SERGEF: variants seen among roughly 807,000 people sequenced by gnomAD.
The protein encoded by SERGEF is secretion-regulating guanine nucleotide exchange factor.
SERGEF carries 51 observed loss-of-function variants against 50.0 expected under a neutral mutation model. The ratio of observed to expected loss-of-function variants is 1.02; its 90% confidence interval spans 0.81 to 1.29. The LOEUF (loss-of-function observed/expected upper bound fraction) is 1.29. Among genes scored for constraint, SERGEF ranks in the 50% most tolerant of loss-of-function variants. The pLI is 0.00. For synonymous variants in SERGEF, 205 were observed against 212.4 expected, an observed-to-expected ratio of 0.97 and a Z score of 0.30; for missense variants, 521 against 557.0, an observed-to-expected ratio of 0.94 and a Z score of 0.65.
chr11:17,902,348 G>A (rs1256675782), intron 9 of SERGEF, among the ~76,000 whole-genome samples: 1 of 152,208 alleles, frequency 6.6e-6, no homozygotes, highest in African/African-American at 2.4e-5. Flanking sequence ...TCACTAAGAG[G>A]CTGCTACAGT....
chr11:17,865,008 T>A (rs1038369990), intron 10 of SERGEF, among the ~76,000 whole-genome samples: 4 of 152,240 alleles, frequency 2.6e-5, no homozygotes, highest in South Asian at 2.1e-4. Context: ...AAATTCCATA[T>A]GGATCGAAGA....
chr11:17,983,113 CA>C (rs1460473524), intron 8 of SERGEF, among the ~76,000 whole-genome samples: 1 of 152,160 alleles, frequency 6.6e-6, no homozygotes, highest in Non-Finnish European at 1.5e-5. Flanking sequence ...CTCACTTTTT[CA>C]ATCCATATTC....
intron 8 of SERGEF, among the ~76,000 whole-genome samples, chr11:17,972,627 G>C (rs1402956405): frequency 6.6e-6 from 1 of 152,210 alleles, no homozygotes; most frequent in Non-Finnish European, 1.5e-5. Flanking sequence ...CAAAAAAATT[G>C]TGTGACTCGC....
chr11:17,893,685 A>G (rs1009858076), intron 9 of SERGEF, among the ~76,000 whole-genome samples: 2 of 152,204 alleles, frequency 1.3e-5, no homozygotes, highest in African/African-American at 4.8e-5. Flanking sequence ...TCTTGTGTAT[A>G]TGCTCAACTC....
chr11:18,000,845 G>C (rs1031429661), intron 4 of SERGEF: 2 of 567,820 alleles, frequency 3.5e-6, no homozygotes, highest in Non-Finnish European at 6.6e-6. Flanking sequence ...TTTCTGTAAA[G>C]GGACAGTTAG....
chr11:17,931,291 A>G (rs1015152390), intron 9 of SERGEF, among the ~76,000 whole-genome samples: 1 of 152,200 alleles, frequency 6.6e-6, no homozygotes, highest in Non-Finnish European at 1.5e-5. Context: ...AATAAAAATC[A>G]TACTACTATC....
At chr11:17,979,639 T>C (rs1853451519) in intron 8 of SERGEF, among the ~76,000 whole-genome samples, 1 of 152,232 alleles carries the variant, frequency 6.6e-6, no homozygotes, top group South Asian at 2.1e-4. Context: ...TTTAGGTTTC[T>C]GCACAACATG....
intron 10 of SERGEF, among the ~76,000 whole-genome samples, chr11:17,864,147 C>T (rs1850979688): frequency 6.6e-6 from 1 of 152,202 alleles, no homozygotes; most frequent in African/African-American, 2.4e-5. Flanking sequence ...TTTCGCAAGG[C>T]CTCAAGCCTC....
chr11:17,813,533 C>T (rs1310562916), intron 10 of SERGEF, among the ~76,000 whole-genome samples: 1 of 152,236 alleles, frequency 6.6e-6, no homozygotes, highest in East Asian at 1.9e-4. Context: ...GAGTATAAAT[C>T]TCTGTCATGG....
chr11:17,940,906 A>G (rs1377222306), intron 9 of SERGEF, among the ~76,000 whole-genome samples: 1 of 152,222 alleles, frequency 6.6e-6, no homozygotes, highest in Non-Finnish European at 1.5e-5. Flanking sequence ...AGCATTACAA[A>G]TAAGTTTTCT....
At position 18,000,560 on chromosome 11, in the gene SERGEF, G is replaced by T; in HGVS notation, c.448-3C>A. Reference sequence around the variant, plus strand: ...CAAACAACCTTCTCTTTATGGAGCTGTCAAAATAAAGAAAAGGATTTAGAT... The same window carrying T: ...CAAACAACCTTCTCTTTATGGAGCTTTCAAAATAAAGAAAAGGATTTAGAT... On this transcript the variant is annotated splice_region_variant and splice_polypyrimidine_tract_variant and intron_variant, in intron 4 of 10. Transcript: ENST00000265965. The T allele has an allele frequency of 1.3e-6, 2 of 1,577,970 alleles. No homozygotes were observed. Among genetic ancestry groups the T allele is most frequent in the Non-Finnish European group, 1.7e-6 (2 of 1,166,336 alleles).
At chr11:17,837,858 G>T (rs1850431147) in intron 10 of SERGEF, among the ~76,000 whole-genome samples, 1 of 151,764 alleles carries the variant, frequency 6.6e-6, no homozygotes, top group Admixed American at 6.6e-5. Flanking sequence ...GAGATGGGGG[G>T]GTTTCACTAT....
intron 10 of SERGEF, among the ~76,000 whole-genome samples, chr11:17,840,380 T>C (rs1850478293): frequency 6.6e-6 from 1 of 152,168 alleles, no homozygotes; most frequent in Admixed American, 6.5e-5. Context: ...ACAGATCCTA[T>C]CACATGGTGC....
At chr11:17,820,250 C>T (rs1318192414) in intron 10 of SERGEF, among the ~76,000 whole-genome samples, 5 of 152,080 alleles carry the variant, frequency 3.3e-5, no homozygotes, top group Admixed American at 6.5e-5. Context: ...CACTGCCCTC[C>T]CTCCCCCAAA....
intron 9 of SERGEF, among the ~76,000 whole-genome samples, chr11:17,953,049 A>G (rs940061377): frequency 2.0e-5 from 3 of 152,058 alleles, no homozygotes; most frequent in African/African-American, 7.2e-5. Flanking sequence ...AAGGCTTTCC[A>G]GTCACAACCT....
chr11:17,841,436 A>C (rs1332347078), intron 10 of SERGEF, among the ~76,000 whole-genome samples: 1 of 152,210 alleles, frequency 6.6e-6, no homozygotes, highest in Non-Finnish European at 1.5e-5. Context: ...TCCATCATCA[A>C]GTCCTGCTAA....
chr11:18,012,782 C>T (rs1854224780), intron 1 of SERGEF, 169 bp downstream of exon 1: 13 of 1,055,142 alleles, frequency 1.2e-5, no homozygotes, highest in South Asian at 9.5e-5. Flanking sequence ...CTTCCCCGCC[C>T]GCCCGCTCCT....
At chr11:17,880,958 C>G (rs1279994062) in intron 9 of SERGEF, among the ~76,000 whole-genome samples, 1 of 152,170 alleles carries the variant, frequency 6.6e-6, no homozygotes, top group Non-Finnish European at 1.5e-5. Context: ...TTCATACATG[C>G]CAGGTGTCAT....
chr11:17,951,148 C>T (rs1014808936), intron 9 of SERGEF, among the ~76,000 whole-genome samples: 6 of 152,114 alleles, frequency 3.9e-5, no homozygotes, highest in Admixed American at 2.6e-4. Flanking sequence ...AGATCTCAAG[C>T]GATTAAGACA....
Sources: gnomAD v4.1 joint callset for allele counts (sites outside exome capture counted in the v4.1 genomes callset) on GRCh38, gnomAD v4.1.1 for gene constraint, MANE v1.5 for transcripts, NCBI Gene and HGNC (gene_info 2026-07-23, HGNC 2026-07-21) for gene names.